CDH7: variants seen among roughly 807,000 people sequenced by gnomAD.
The protein encoded by CDH7 is cadherin 7.
Under a neutral mutation model 71.8 loss-of-function variants are expected in CDH7, and 25 were observed. The ratio of observed to expected loss-of-function variants is 0.35; its 90% CI spans 0.25 to 0.49. The LOEUF (loss-of-function observed/expected upper bound fraction) is 0.49, where lower values mean the gene tolerates loss of function less well. Ranked by LOEUF, CDH7 falls within the 20% of genes least tolerant of loss-of-function variation. The pLI, the probability that CDH7 is intolerant of heterozygous loss-of-function variation, is 0.99. For synonymous variants in CDH7, 381 were observed against 363.8 expected, an observed-to-expected ratio of 1.05 and a Z score of -0.54; for missense variants, 862 against 974.6, an observed-to-expected ratio of 0.88 and a Z score of 1.54.
intron 2 of CDH7, among the ~76,000 whole-genome samples, chr18:65,781,920 C>A (rs1568181911): frequency 9.8e-6 from 1 of 102,442 alleles, no homozygotes; most frequent in African/African-American, 5.2e-5. Context: ...CTCTTTCTCT[C>A]TTTCTCTCTC....
chr18:65,801,486 C>T (rs907392892), intron 2 of CDH7, among the ~76,000 whole-genome samples: 5 of 152,222 alleles, frequency 3.3e-5, no homozygotes, highest in Admixed American at 1.3e-4. Context: ...TTGAGACCAA[C>T]TTTTCTAAAT....
chr18:65,792,051 A>G (rs1391416803), intron 2 of CDH7, among the ~76,000 whole-genome samples: 9 of 152,244 alleles, frequency 5.9e-5, no homozygotes, highest in Middle Eastern at 3.4e-3. Flanking sequence ...AACTACATTA[A>G]CTATTTATCA....
chr18:65,786,340 A>G (rs1200927757), intron 2 of CDH7, among the ~76,000 whole-genome samples: 1 of 152,174 alleles, frequency 6.6e-6, no homozygotes, highest in African/African-American at 2.4e-5. Flanking sequence ...TGGATTTTAA[A>G]GCTTCAAATA....
intron 6 of CDH7, among the ~76,000 whole-genome samples, chr18:65,825,600 A>C (rs2143945287): frequency 6.6e-6 from 1 of 152,008 alleles, no homozygotes; most frequent in Non-Finnish European, 1.5e-5. Flanking sequence ...TTAAAAATAT[A>C]TCAATATCTT....
chr18:65,874,427 A>G (rs1439026704), intron 11 of CDH7, among the ~76,000 whole-genome samples: 1 of 151,610 alleles, frequency 6.6e-6, no homozygotes, highest in African/African-American at 2.4e-5. Flanking sequence ...TTAGAAAGCC[A>G]AATACCTCAT....
intron 2 of CDH7, among the ~76,000 whole-genome samples, chr18:65,783,888 G>A (rs1910409109): frequency 6.6e-6 from 1 of 152,032 alleles, no homozygotes; most frequent in African/African-American, 2.4e-5. Context: ...GATAAATACT[G>A]TAGATAAAGC....
chr18:65,869,711 C>T (rs1239411790), intron 11 of CDH7, among the ~76,000 whole-genome samples: 1 of 149,462 alleles, frequency 6.7e-6, no homozygotes, highest in African/African-American at 2.6e-5. Flanking sequence ...CCTTGTCCAT[C>T]TCTTCCAGTA....
chr18:65,839,068 T>A (rs1465233614), intron 6 of CDH7, among the ~76,000 whole-genome samples: 2 of 152,192 alleles, frequency 1.3e-5, no homozygotes, highest in African/African-American at 2.4e-5. Flanking sequence ...CAAGGGCTTA[T>A]ACGTGATAAC....
At chr18:65,802,081 CAG>C (rs1555684157) in intron 2 of CDH7, among the ~76,000 whole-genome samples, 1 of 152,148 alleles carries the variant, frequency 6.6e-6, no homozygotes, top group Non-Finnish European at 1.5e-5. Context: ...AATGTTATGA[CAG>C]GGAAGAAGTG....
At chr18:65,840,625 A>G (rs2170937) in intron 6 of CDH7, among the ~76,000 whole-genome samples, 39,414 of 151,800 alleles carry the variant, frequency 0.26, 5,368 homozygotes, top group Non-Finnish European at 0.32. Flanking sequence ...TGATGGTTTT[A>G]TAAGGGGGAG....
At chr18:65,780,120 T>C (rs1212690257) in intron 2 of CDH7, among the ~76,000 whole-genome samples, 1 of 104,884 alleles carries the variant, frequency 9.5e-6, no homozygotes, top group Non-Finnish European at 1.8e-5. Context: ...AAGTGTCTGT[T>C]CATGTCCTTC....
intron 2 of CDH7, among the ~76,000 whole-genome samples, chr18:65,765,726 G>C (rs958263715): frequency 1.3e-5 from 2 of 152,006 alleles, no homozygotes; most frequent in African/African-American, 4.8e-5. Flanking sequence ...GATACATTTT[G>C]TACCTTAACT....
chr18:65,763,594 GGTGTGT>G (rs71167145), intron 2 of CDH7, among the ~76,000 whole-genome samples: 12 of 99,208 alleles, frequency 1.2e-4, no homozygotes, highest in Admixed American at 1.9e-4. Context: ...TTGATAGGGG[GGTGTGT>G]GTGTGTGTGT....
chr18:65,871,012 A>G (rs939308743), intron 11 of CDH7, among the ~76,000 whole-genome samples: 1 of 152,194 alleles, frequency 6.6e-6, no homozygotes, highest in African/African-American at 2.4e-5. Flanking sequence ...TAGGTCCAGT[A>G]TCCTCCATAA....
At position 65,857,516 on chromosome 18, in the gene CDH7, A is replaced by G. The variant is rs535897171; in HGVS notation, c.1236-300A>G. On this transcript the variant is annotated intron_variant, in intron 7 of 11. Coordinates refer to ENST00000397968, the MANE Select transcript of CDH7 (RefSeq NM_004361.5). ...ACCCTGTATCAAAAATAAATAAATA[A>G]TAATAGTAATAATAATGAACTTGAA... is the stretch of plus-strand genomic sequence containing the variant. Among the ~76,000 whole-genome samples, 272 of 151,780 alleles carry G rather than the reference A, an allele frequency of 1.8e-3. 3 individuals are homozygous for G. The highest frequency in any genetic ancestry group is 6.3e-3 in the African/African-American group (260 of 41,412).
intron 7 of CDH7, among the ~76,000 whole-genome samples, chr18:65,847,712 A>G (rs1170540699): frequency 1.3e-5 from 2 of 152,170 alleles, no homozygotes; most frequent in East Asian, 1.9e-4. Context: ...TTACAAGTGT[A>G]GTCATCATAG....
intron 6 of CDH7, among the ~76,000 whole-genome samples, chr18:65,833,155 G>C (rs1039654039): frequency 1.3e-5 from 2 of 152,134 alleles, no homozygotes; most frequent in Non-Finnish European, 2.9e-5. Context: ...TGTTAATAAT[G>C]CTGTCTACCT....
intron 2 of CDH7, among the ~76,000 whole-genome samples, chr18:65,800,986 T>C (rs1713360948): frequency 6.6e-6 from 1 of 152,172 alleles, no homozygotes; most frequent in Non-Finnish European, 1.5e-5. Context: ...AACCCCGGGC[T>C]CAGCTTGGTT....
At chr18:65,776,477 T>G (rs1385639837) in intron 2 of CDH7, among the ~76,000 whole-genome samples, 1 of 151,904 alleles carries the variant, frequency 6.6e-6, no homozygotes, top group Non-Finnish European at 1.5e-5. Context: ...TTTCAAATCC[T>G]GAAAGCTAAT....
Sources: allele counts gnomAD v4.1 joint callset (sites outside exome capture counted in the v4.1 genomes callset), GRCh38; gene constraint gnomAD v4.1.1; transcripts MANE v1.5; gene names NCBI Gene and HGNC (gene_info 2026-07-23, HGNC 2026-07-21).